The following TINAG variants were observed in gnomAD, a reference collection of about 807,000 sequenced individuals.
The protein encoded by TINAG is tubulointerstitial nephritis antigen.
Under a neutral mutation model 72.7 loss-of-function variants are expected in TINAG, and 83 were observed. That is an observed-to-expected ratio of 1.14 (90% CI 0.96 to 1.37). The LOEUF is 1.37. Among genes scored for constraint, TINAG ranks in the 40% most tolerant of loss-of-function variants. The pLI, the probability that TINAG is intolerant of heterozygous loss-of-function variation, is 0.00. For synonymous variants in TINAG, 234 were observed against 189.9 expected, an observed-to-expected ratio of 1.23 and a Z score of -1.91; for missense variants, 685 against 576.6, an observed-to-expected ratio of 1.19 and a Z score of -1.93.
chr6:54,387,510 A>G (rs1424570544), intron 10 of TINAG, among the ~76,000 whole-genome samples: 2 of 152,306 alleles, frequency 1.3e-5, no homozygotes, highest in South Asian at 2.1e-4. Flanking sequence ...CCATTTTTGT[A>G]AAGATCAATT....
At chr6:54,317,189 C>A (rs1784390939) in intron 1 of TINAG, among the ~76,000 whole-genome samples, 1 of 152,102 alleles carries the variant, frequency 6.6e-6, no homozygotes, top group South Asian at 2.1e-4. Flanking sequence ...TGAATCCCAT[C>A]TTCTCTTATC....
chr6:54,371,109 A>ACT (rs1169298078), intron 9 of TINAG, among the ~76,000 whole-genome samples: 2 of 104,986 alleles, frequency 1.9e-5, no homozygotes, highest in East Asian at 4.8e-4. Flanking sequence ...ACTTACGAAA[A>ACT]CTGTGTGTGT....
In TINAG at chr6:54,386,504, A is replaced by G. The variant is rs1764103569; in HGVS notation, c.1297-3287A>G. The stretch of plus-strand genomic sequence containing the variant: ...CCCCATTTTCTTGCTGACTGAGGAT[A>G]TTCTCAGATCTTAGAGGATGCCTGA... On this transcript the variant is annotated intron_variant, in intron 10 of 10. Transcript: ENST00000259782. 2.6e-5 allele frequency among the ~76,000 whole-genome samples: 4 copies of G among 152,120 alleles called. No homozygotes were observed. In the South Asian group the frequency reaches 8.3e-4, roughly 32 times the overall value.
At position 54,347,349 on chromosome 6, in the gene TINAG, A is replaced by T. The variant is rs770557891; in HGVS notation, c.749-18A>T. 6.2e-7 allele frequency: 1 copy of T among 1,610,796 alleles called. No homozygotes were observed. The highest frequency in any genetic ancestry group is 8.5e-7 in the Non-Finnish European group (1 of 1,178,290). On this transcript the variant is annotated intron_variant, in intron 5 of 10. Coordinates refer to ENST00000259782, the MANE Select transcript of TINAG (RefSeq NM_014464.4). ...CCGTGTATCATTTCAATATTAATTG[A>T]TATTCTATTTGAAACAGGTGTGGCT...
At chr6:54,326,437 C>A (rs1348368665) in intron 3 of TINAG, among the ~76,000 whole-genome samples, 1 of 151,850 alleles carries the variant, frequency 6.6e-6, no homozygotes, top group African/African-American at 2.4e-5. Flanking sequence ...AATGTATTAA[C>A]CTATTTAATG....
intron 3 of TINAG, among the ~76,000 whole-genome samples, chr6:54,323,364 T>C (rs934615391): frequency 6.6e-6 from 1 of 152,190 alleles, no homozygotes; most frequent in Non-Finnish European, 1.5e-5. Context: ...TAAAAGAAAG[T>C]TCTAATTCTC....
At chr6:54,389,724 C>T (rs1764193392) in intron 10 of TINAG, 67 bp from the exon 11 acceptor site, 1 of 1,530,168 alleles carries the variant, frequency 6.5e-7, no homozygotes, top group Non-Finnish European at 8.7e-7. Flanking sequence ...AATGAGTTCT[C>T]CATGGCTTTT....
At position 54,371,624 on chromosome 6, in the gene TINAG, A is replaced by G. The variant is rs1763610899; in HGVS notation, c.1251-8902A>G. On this transcript the variant is annotated intron_variant, in intron 9 of 10. Coordinates refer to ENST00000259782, the MANE Select transcript of TINAG (RefSeq NM_014464.4). ...ACCTTGATTTCACAGGTAGATGAAT[A>G]AAGGTAGTAAGGAAAAGAGAAATGT... Among the ~76,000 whole-genome samples the G allele has an allele frequency of 1.3e-5, 2 of 151,968 alleles. 1 individual carries two copies. Among genetic ancestry groups the G allele is most frequent in the Admixed American group, 1.3e-4 (2 of 15,240 alleles).
At chr6:54,336,626 T>C (rs952595767) in intron 4 of TINAG, among the ~76,000 whole-genome samples, 3 of 152,156 alleles carry the variant, frequency 2.0e-5, no homozygotes, top group Non-Finnish European at 4.4e-5. Context: ...ATGTGAAAAT[T>C]AAGAGTTCAT....
chr6:54,369,080 C>A (rs1040618638), intron 9 of TINAG, among the ~76,000 whole-genome samples: 5 of 151,740 alleles, frequency 3.3e-5, no homozygotes, highest in African/African-American at 1.2e-4. Flanking sequence ...TTATGACTTG[C>A]AAAGTAGCCC....
rs149898116 is a variant in TINAG, at chr6:54,329,060, A to G, written c.624+2144A>G. Among the ~76,000 whole-genome samples, 494 of 152,250 alleles carry G rather than the reference A, an allele frequency of 3.2e-3. 4 individuals carry two copies. The highest frequency in any genetic ancestry group is 0.011 in the African/African-American group (468 of 41,568). ...GTTGGAAAACACACTTCAGGATATT[A>G]TCCAGGAAAACTTCCCCAACCTACC... On this transcript the variant is annotated intron_variant, in intron 4 of 10. Coordinates refer to ENST00000259782, the MANE Select transcript of TINAG (RefSeq NM_014464.4).
upstream of TINAG, chr6:54,308,418 T>A (rs1490846196): frequency 1.4e-6 from 1 of 713,580 alleles, no homozygotes; most frequent in African/African-American, 1.8e-5. Flanking sequence ...GTATACTCAT[T>A]CAAGTAAAGG....
rs1029339021 is a variant in TINAG at position 54,349,576 on chromosome 6, A to G, written c.900-140A>G. ...TAATGTCATTGAGCTTCTGTGTTGG[A>G]GTCACTCACTATTTTGAAAATTATG... On this transcript the variant is annotated intron_variant, in intron 6 of 10. Coordinates refer to ENST00000259782, the MANE Select transcript of TINAG (RefSeq NM_014464.4). 18 of 595,016 alleles carry G rather than the reference A, an allele frequency of 3.0e-5. No individual in the cohort carries two copies. In the East Asian group the frequency reaches 5.1e-4, roughly 17 times the overall value. The allele number at this position is 595,016 out of a possible 1,614,324, so 36.9% of individuals were successfully genotyped here.
chr6:54,386,288 C>A (rs887029908), intron 10 of TINAG, among the ~76,000 whole-genome samples: 2 of 152,154 alleles, frequency 1.3e-5, no homozygotes, highest in Non-Finnish European at 2.9e-5. Flanking sequence ...CAGATTGAAA[C>A]AACATACATT....
At chr6:54,385,479 T>A (rs1374093872) in intron 10 of TINAG, among the ~76,000 whole-genome samples, 1 of 90,776 alleles carries the variant, frequency 1.1e-5, no homozygotes, top group African/African-American at 3.5e-5. Flanking sequence ...TGGAACAATT[T>A]GAAAAAAAAA....
At chr6:54,312,739 A>G (rs1374836946) in intron 1 of TINAG, among the ~76,000 whole-genome samples, 1 of 152,210 alleles carries the variant, frequency 6.6e-6, no homozygotes, top group Non-Finnish European at 1.5e-5. Flanking sequence ...TTATTTAAAA[A>G]TCCAGATGTT....
chr6:54,311,136 T>C (rs1398927758), intron 1 of TINAG, among the ~76,000 whole-genome samples: 1 of 152,152 alleles, frequency 6.6e-6, no homozygotes, highest in South Asian at 2.1e-4. Context: ...TTAATTTATA[T>C]AGACCATATT....
intron 9 of TINAG, among the ~76,000 whole-genome samples, chr6:54,374,386 G>T (rs1014009669): frequency 6.6e-6 from 1 of 151,986 alleles, no homozygotes; most frequent in Admixed American, 6.6e-5. Flanking sequence ...TTAATATTTT[G>T]CTCAAGTAGA....
intron 4 of TINAG, among the ~76,000 whole-genome samples, chr6:54,332,637 G>C (rs923623457): frequency 1.2e-4 from 19 of 152,126 alleles, no homozygotes; most frequent in Admixed American, 8.5e-4. Flanking sequence ...TTAAACTAAG[G>C]AGCTTCTGCA....
Sources: gnomAD v4.1 joint callset for allele counts (sites outside exome capture counted in the v4.1 genomes callset) on GRCh38, gnomAD v4.1.1 for gene constraint, MANE v1.5 for transcripts, NCBI Gene and HGNC (gene_info 2026-07-23, HGNC 2026-07-21) for gene names.